MALRD1: variants seen among roughly 807,000 people sequenced by gnomAD.
MALRD1 encodes MAM and LDL receptor class A domain containing 1, also known as MAM and LDL-receptor class A domain-containing protein 1.
Under a neutral mutation model 242.1 loss-of-function variants are expected in MALRD1, and 247 were observed. The observed-to-expected ratio is 1.02, with a 90% CI of 0.92 to 1.13. The LOEUF (loss-of-function observed/expected upper bound fraction) is 1.13. Among genes scored for constraint, MALRD1 ranks in the 50% most tolerant of loss-of-function variants. MALRD1 has a pLI of 0.00. For synonymous variants in MALRD1, 995 were observed against 866.6 expected (o/e 1.15, Z -2.60); for missense variants, 2,989 against 2,533.1 (o/e 1.18, Z -3.86).
chr10:19,068,185 T>C (rs1351749341), intron 2 of MALRD1, among the ~76,000 whole-genome samples: 3 of 152,052 alleles, frequency 2.0e-5, no homozygotes, highest in Non-Finnish European at 4.4e-5. Flanking sequence ...ACTGTAGACT[T>C]TTGTTTGTCG....
intron 28 of MALRD1, among the ~76,000 whole-genome samples, chr10:19,446,357 A>G (rs186398714): frequency 2.6e-5 from 4 of 152,308 alleles, no homozygotes. Context: ...ACATTCTTGT[A>G]TTTATTTACC....
Position 19,347,829 on chromosome 10 carries a change from AG to A in MALRD1, c.3961del (p.Asp1321MetfsTer8), listed in dbSNP as rs1418196035. ...ATCTTTGTTCCTGGAAGCAGGAGAA[AG>A]ATGAGGACTTTGACTGGAACCTGAA... is the stretch of plus-strand genomic sequence containing the variant. ...FDLCSWKQEK[D>X]EDFDWNLKAS... On this transcript the variant is annotated frameshift_variant, in exon 25 of 40. Coordinates refer to ENST00000454679, the MANE Select transcript of MALRD1 (RefSeq NM_001142308.3). LOFTEE classifies it high-confidence loss of function. 1.3e-6 allele frequency: 2 copies of A among 1,550,478 alleles called. No homozygotes were observed. Among genetic ancestry groups the A allele is most frequent in the Admixed American group, 3.9e-5 (2 of 50,992 alleles).
At chr10:19,131,221 C>A (rs1007660821) in intron 8 of MALRD1, among the ~76,000 whole-genome samples, 1 of 152,140 alleles carries the variant, frequency 6.6e-6, no homozygotes, top group African/African-American at 2.4e-5. Context: ...TGATTTACAT[C>A]TTTCCATGAA....
At chr10:19,594,109 G>T (rs769601406) in intron 33 of MALRD1, among the ~76,000 whole-genome samples, 5 of 152,268 alleles carry the variant, frequency 3.3e-5, no homozygotes, top group African/African-American at 1.2e-4. Flanking sequence ...ATCTGATATT[G>T]TAACAGTTCC....
chr10:19,468,761 C>T (rs1017641163), intron 29 of MALRD1, among the ~76,000 whole-genome samples: 1 of 152,016 alleles, frequency 6.6e-6, no homozygotes, highest in Admixed American at 6.6e-5. Context: ...TTTACAAGAT[C>T]CCAGAAAACC....
At chr10:19,343,295 A>G (rs186012561) in intron 24 of MALRD1, among the ~76,000 whole-genome samples, 1 of 152,132 alleles carries the variant, frequency 6.6e-6, no homozygotes, top group Non-Finnish European at 1.5e-5. Context: ...GCAGAAAAAT[A>G]CTATGTACCC....
At chr10:19,434,129 C>G (rs1223713148) in intron 28 of MALRD1, among the ~76,000 whole-genome samples, 1 of 152,150 alleles carries the variant, frequency 6.6e-6, no homozygotes, top group Non-Finnish European at 1.5e-5. Context: ...CTTTGAGTCA[C>G]ATATTGCCCC....
At chr10:19,107,109 C>T (rs146640063) in intron 5 of MALRD1, among the ~76,000 whole-genome samples, 56 of 151,968 alleles carry the variant, frequency 3.7e-4, no homozygotes, top group African/African-American at 1.2e-3. Flanking sequence ...TTGTAATTAT[C>T]GAGCAGAATG....
chr10:19,143,071 C>T lies in MALRD1; in HGVS notation c.1412-3127C>T, dbSNP rs190339154. On this transcript the variant is annotated intron_variant, in intron 10 of 39. Transcript: ENST00000454679. ...TTGCTTTCACACATCTTTATGGTGA[C>T]GGATTTTGAAAGCTAATTTTCATTT... 2.7e-4 allele frequency among the ~76,000 whole-genome samples: 41 copies of T among 152,262 alleles called. 1 individual carries two copies. The highest frequency in any genetic ancestry group is 5.3e-4 in the Non-Finnish European group (36 of 68,028).
intron 8 of MALRD1, among the ~76,000 whole-genome samples, chr10:19,132,145 C>A (rs1833134336): frequency 6.6e-6 from 1 of 152,244 alleles, no homozygotes; most frequent in East Asian, 1.9e-4. Flanking sequence ...AGAGGGGAAT[C>A]AGTCACTGTG....
intron 26 of MALRD1, among the ~76,000 whole-genome samples, chr10:19,358,279 A>AT (rs1295266667): frequency 5.4e-4 from 82 of 151,670 alleles, no homozygotes; most frequent in African/African-American, 1.8e-3. Context: ...TATTCAATAC[A>AT]TCTGTTTTGG....
chr10:19,602,154 C>CTTTTTTTT (rs35031620), intron 34 of MALRD1, among the ~76,000 whole-genome samples: 1 of 104,930 alleles, frequency 9.5e-6, no homozygotes, highest in African/African-American at 3.6e-5. Context: ...TGCCAATTTT[C>CTTTTTTTT]TTTTTTTTTT....
At chr10:19,666,962 T>G (rs1355913151) in intron 36 of MALRD1, among the ~76,000 whole-genome samples, 1 of 152,104 alleles carries the variant, frequency 6.6e-6, no homozygotes, top group Non-Finnish European at 1.5e-5. Context: ...TGCATTCACT[T>G]TACAGACACC....
At chr10:19,272,107 T>C (rs1840277451) in intron 19 of MALRD1, among the ~76,000 whole-genome samples, 2 of 152,066 alleles carry the variant, frequency 1.3e-5, no homozygotes, top group Non-Finnish European at 2.9e-5. Context: ...ATTATAATCA[T>C]AGATAATATA....
intron 19 of MALRD1, among the ~76,000 whole-genome samples, chr10:19,263,574 T>C (rs1223181357): frequency 3.9e-5 from 6 of 152,200 alleles, no homozygotes; most frequent in Non-Finnish European, 8.8e-5. Context: ...ATTGGTTATA[T>C]GGTTTGGAAA....
chr10:19,332,622 AT>A (rs1843426189), intron 24 of MALRD1, among the ~76,000 whole-genome samples: 1 of 152,198 alleles, frequency 6.6e-6, no homozygotes, highest in Non-Finnish European at 1.5e-5. Flanking sequence ...GCAGTTTGAT[AT>A]TATTTGCTTC....
intron 22 of MALRD1, 29 bp from the exon 23 acceptor site, chr10:19,327,534 A>G: frequency 6.7e-7 from 1 of 1,499,006 alleles, no homozygotes; most frequent in South Asian, 1.2e-5. Flanking sequence ...AAAATACTTC[A>G]GTGCCTTTTA....
At chr10:19,276,644 G>T (rs570884491) in intron 19 of MALRD1, among the ~76,000 whole-genome samples, 2 of 152,068 alleles carry the variant, frequency 1.3e-5, no homozygotes, top group South Asian at 4.1e-4. Context: ...ATTCAAAAAT[G>T]ATAAAATGAT....
chr10:19,700,667 G>T (rs1833581704), intron 38 of MALRD1, among the ~76,000 whole-genome samples: 1 of 152,092 alleles, frequency 6.6e-6, no homozygotes, highest in South Asian at 2.1e-4. Flanking sequence ...TTATTTTCCT[G>T]TTGTCATTTT....
Sources: gnomAD v4.1 joint callset for allele counts (sites outside exome capture counted in the v4.1 genomes callset) on GRCh38, gnomAD v4.1.1 for gene constraint, MANE v1.5 for transcripts, NCBI Gene and HGNC (gene_info 2026-07-23, HGNC 2026-07-21) for gene names.